The following ARHGAP5 variants were observed in gnomAD, a reference collection of about 807,000 sequenced individuals.
The protein encoded by ARHGAP5 is Rho GTPase activating protein 5.
In ARHGAP5, 23 loss-of-function variants were observed where a neutral mutation model predicts 116.6. The ratio of observed to expected loss-of-function variants is 0.20; its 90% CI spans 0.14 to 0.28. The LOEUF (loss-of-function observed/expected upper bound fraction) is 0.28, where lower values mean the gene tolerates loss of function less well. ARHGAP5 is among the 10% of genes least tolerant of loss of function. The pLI is 1.00. For synonymous variants in ARHGAP5, 574 were observed against 602.0 expected (o/e 0.95, Z 0.68); for missense variants, 1,405 against 1,774.8 (o/e 0.79, Z 3.74).
chr14:32,096,511 T>C (rs948289996), intron 2 of ARHGAP5, among the ~76,000 whole-genome samples: 4 of 152,284 alleles, frequency 2.6e-5, no homozygotes, highest in East Asian at 1.9e-4. Context: ...TAATTACAGA[T>C]AGATCAGATT....
rs879402795 is a variant in ARHGAP5, at chr14:32,118,496, C to CA, written c.3865+1220dup. 2.7e-3 allele frequency among the ~76,000 whole-genome samples: 368 copies of CA among 138,350 alleles called. 1 individual carries two copies. The highest frequency in any genetic ancestry group is 2.6e-3 in the African/African-American group (97 of 37,856). The allele number at this position is 138,350 out of a possible 152,430, so 90.8% of individuals were successfully genotyped here. On this transcript the variant is annotated intron_variant, in intron 3 of 6. Transcript: ENST00000345122. ...CTGGTGACAGAGTGAGACTCCATCT[C>CA]AAAAAAAAAAAGAAAGAAGAAATTC...
intron 3 of ARHGAP5, among the ~76,000 whole-genome samples, chr14:32,127,850 G>A (rs1231387405): frequency 6.6e-6 from 1 of 151,004 alleles, no homozygotes; most frequent in African/African-American, 2.4e-5. Context: ...CTTCCCAGAC[G>A]GGGCAGCTGC....
At chr14:32,087,450 T>G (rs2041840840) in intron 1 of ARHGAP5, among the ~76,000 whole-genome samples, 1 of 151,636 alleles carries the variant, frequency 6.6e-6, no homozygotes, top group African/African-American at 2.4e-5. Context: ...TTTTTCTATT[T>G]TGGGGTTTCT....
intron 2 of ARHGAP5, among the ~76,000 whole-genome samples, chr14:32,100,100 T>C (rs891125668): frequency 1.2e-4 from 19 of 152,246 alleles, no homozygotes; most frequent in African/African-American, 4.6e-4. Flanking sequence ...TATTGTACAT[T>C]GTGCCCTCTG....
In ARHGAP5 at chr14:32,109,368, A is replaced by G. The variant is rs184539923; in HGVS notation, c.3718-7772A>G. Among the ~76,000 whole-genome samples, 15 of 152,126 alleles carry G rather than the reference A, an allele frequency of 9.9e-5. 1 individual carries two copies. Among genetic ancestry groups the G allele is most frequent in the African/African-American group, 2.2e-4 (9 of 41,526 alleles). ...TTATCTTTGAATATATTGAACTCCT[A>G]TTTCAGTTTACCATCTTTATTCCAC... is the stretch of plus-strand genomic sequence containing the variant. On this transcript the variant is annotated intron_variant, in intron 2 of 6. Transcript: ENST00000345122.
In ARHGAP5 at chr14:32,094,385, A is replaced by T; in HGVS notation, c.3716A>T (p.Lys1239Met). The T allele has an allele frequency of 1.3e-6, 2 of 1,562,510 alleles. No individual in the cohort carries two copies. Among genetic ancestry groups the T allele is most frequent in the South Asian group, 2.5e-5 (2 of 81,418 alleles). The change falls in exon 2 of 7, where the codon AAG becomes ATG. Residue 1239 changes from lysine to methionine, a missense_variant and splice_region_variant. Around this residue, in one of 6 missense-constraint regions of ARHGAP5, gnomAD observed 176 missense variants for 221.2 expected, o/e 0.80. Transcript: ENST00000345122. ...KKTHKVKEDKKQKKKTKNFNP... is the reference protein window; with the variant it reads ...KKTHKVKEDKMQKKKTKNFNP... ...ACCCACAAAGTGAAAGAAGATAAAA[A>T]GGTAAGGTTAACTTAAGGTCAGTGA...
In ARHGAP5 at chr14:32,117,137, T is replaced by C. The variant is rs745422932; in HGVS notation, c.3718-3T>C. The C allele has an allele frequency of 2.5e-6, 4 of 1,589,254 alleles. No individual in the cohort carries two copies. The highest frequency in any genetic ancestry group is 3.4e-6 in the Non-Finnish European group (4 of 1,167,630). On this transcript the variant is annotated splice_region_variant and splice_polypyrimidine_tract_variant and intron_variant, in intron 2 of 6. Transcript: ENST00000345122. ...GTGTTAACTTAAATATGTTTTCTTA[T>C]AGCAGAAAAAGAAAACTAAGAACTT...
rs192400264 is a variant in ARHGAP5, at chr14:32,148,059, G to A, written c.3943+1719G>A. ...TCCCAGCTACTTGGGAGGCTGAGGC[G>A]AGAGCATCACTTGAACCCAGGAGGG... On this transcript the variant is annotated intron_variant, in intron 4 of 6. Coordinates refer to ENST00000345122, the MANE Select transcript of ARHGAP5 (RefSeq NM_001030055.2). Among the ~76,000 whole-genome samples the A allele has an allele frequency of 2.7e-4, 41 of 152,236 alleles. No individual in the cohort carries two copies. In the Middle Eastern group the frequency reaches 0.01, roughly 38 times the overall value.
At chr14:32,106,749 A>G (rs1319241322) in intron 2 of ARHGAP5, among the ~76,000 whole-genome samples, 1 of 152,228 alleles carries the variant, frequency 6.6e-6, no homozygotes, top group Non-Finnish European at 1.5e-5. Context: ...ACATCAAAAT[A>G]GATGGAAAAT....
At chr14:32,123,248 T>C (rs1249218348) in intron 3 of ARHGAP5, among the ~76,000 whole-genome samples, 1 of 152,074 alleles carries the variant, frequency 6.6e-6, no homozygotes, top group Non-Finnish European at 1.5e-5. Context: ...TCTCTTAGTT[T>C]ATAATTTTCG....
chr14:32,123,437 T>C (rs909148138), intron 3 of ARHGAP5, among the ~76,000 whole-genome samples: 6 of 152,100 alleles, frequency 3.9e-5, no homozygotes, highest in Non-Finnish European at 7.4e-5. Context: ...ATACCCATTA[T>C]ATTGATGTTT....
rs193025304 is a variant in ARHGAP5 at position 32,093,832 on chromosome 14, G to A, written c.3163G>A (p.Asp1055Asn). The A allele has an allele frequency of 1.1e-5, 17 of 1,613,248 alleles. No homozygotes were observed. The East Asian group carries it at 3.1e-4, about 30-fold the overall frequency. Residue 1055 changes from aspartate (D) to asparagine (N), a missense_variant, in exon 2 of 7, where the codon GAT becomes AAT. Physicochemically the swap from Asp to Asn is conservative, Grantham distance 23. Around this residue, in one of 6 missense-constraint regions of ARHGAP5, gnomAD observed 944 missense variants for 1,095.3 expected, o/e 0.86. Transcript: ENST00000345122. ...VVPKTNVKKL[D>N]PNLLKTIEAG... is the part of the protein sequence containing the mutation. ...ACCTAAGACAAATGTGAAAAAACTC[G>A]ATCCAAACCTTTTAAAAACAATTGA...
intron 2 of ARHGAP5, among the ~76,000 whole-genome samples, chr14:32,110,936 A>G (rs1879261192): frequency 6.6e-6 from 1 of 152,224 alleles, no homozygotes; most frequent in Admixed American, 6.5e-5. Context: ...AAGGCTGCAG[A>G]TAGATTACAT....
chr14:32,091,241 A>G lies in ARHGAP5; in HGVS notation c.572A>G (p.Lys191Arg), dbSNP rs1380304976. The change falls in exon 2 of 7, where the codon AAA becomes AGA. Residue 191 changes from lysine (K) to arginine (R), a missense_variant. Around this residue, in one of 6 missense-constraint regions of ARHGAP5, gnomAD observed 190 missense variants for 314.9 expected, o/e 0.60. Transcript: ENST00000345122. Reference protein sequence around the residue: ...NNLFVQLSKSKKPVIIAATKC... With the variant: ...NNLFVQLSKSRKPVIIAATKC... ...CTTTTTGTCCAGTTATCAAAATCAA[A>G]AAAACCTGTAATAATAGCAGCAACT... 3 of 1,612,280 alleles carry G rather than the reference A, an allele frequency of 1.9e-6. No homozygotes were observed. Among genetic ancestry groups the G allele is most frequent in the Non-Finnish European group, 1.7e-6 (2 of 1,179,218 alleles).
At chr14:32,094,727 A>G (rs1259284941) in intron 2 of ARHGAP5, among the ~76,000 whole-genome samples, 1 of 152,146 alleles carries the variant, frequency 6.6e-6, no homozygotes, top group African/African-American at 2.4e-5. Flanking sequence ...GTTTTGCGGT[A>G]TTAATTTGAC....
rs774560328 is a variant in ARHGAP5 at position 32,093,742 on chromosome 14, C to T, written c.3073C>T (p.Pro1025Ser). ...EGNEYPIHSTPNCHDHERNHK... is the reference protein window; with the variant it reads ...EGNEYPIHSTSNCHDHERNHK... ...AAATGAGTATCCTATTCATAGTACCCCAAACTGTCATGACCATGAACGCAA... is the reference window on the plus strand; with the variant it reads ...AAATGAGTATCCTATTCATAGTACCTCAAACTGTCATGACCATGAACGCAA... The change falls in exon 2 of 7, where the codon CCA becomes TCA. Residue 1025 changes from proline to serine, a missense_variant. By Grantham distance (74) the Pro-to-Ser change is moderately conservative. Around this residue, in one of 6 missense-constraint regions of ARHGAP5, gnomAD observed 944 missense variants for 1,095.3 expected, o/e 0.86. Coordinates refer to ENST00000345122, the MANE Select transcript of ARHGAP5 (RefSeq NM_001030055.2). 1 of 1,613,990 alleles carries T rather than the reference C, an allele frequency of 6.2e-7. No homozygotes were observed. Among genetic ancestry groups the T allele is most frequent in the Non-Finnish European group, 8.5e-7 (1 of 1,179,972 alleles).
At chr14:32,116,454 G>C (rs1326433661) in intron 2 of ARHGAP5, among the ~76,000 whole-genome samples, 1 of 151,358 alleles carries the variant, frequency 6.6e-6, no homozygotes, top group Non-Finnish European at 1.5e-5. Context: ...TTAGCCGGGC[G>C]TGGTGGTGGG....
At chr14:32,107,254 A>T (rs182877621) in intron 2 of ARHGAP5, among the ~76,000 whole-genome samples, 7 of 152,148 alleles carry the variant, frequency 4.6e-5, no homozygotes, top group African/African-American at 1.7e-4. Context: ...ACAGTTGGCT[A>T]TTCTTCCTGT....
chr14:32,136,335 C>T (rs1880795861), intron 3 of ARHGAP5, among the ~76,000 whole-genome samples: 1 of 152,182 alleles, frequency 6.6e-6, no homozygotes, highest in African/African-American at 2.4e-5. Flanking sequence ...CTTTAAGTTG[C>T]CCATTCTGGG....
Sources: gnomAD v4.1 joint callset for allele counts (sites outside exome capture counted in the v4.1 genomes callset) on GRCh38, gnomAD v4.1.1 for gene constraint, gnomAD v4.1.1 regional missense constraint, MANE v1.5 for transcripts, NCBI Gene and HGNC (gene_info 2026-07-23, HGNC 2026-07-21) for gene names.